The following COL18A1 variants were observed in gnomAD, a reference collection of about 807,000 sequenced individuals.
COL18A1 encodes collagen type XVIII alpha 1 chain, also known as collagen alpha-1(XVIII) chain.
In COL18A1, 133 loss-of-function variants were observed where a neutral mutation model predicts 168.0. That is an observed-to-expected ratio of 0.79 (90% confidence interval 0.69 to 0.91). COL18A1 has a LOEUF of 0.91. COL18A1 is among the 40% of genes least tolerant of loss of function. The pLI, the probability that COL18A1 is intolerant of heterozygous loss-of-function variation, is 0.00. For synonymous variants in COL18A1, 949 were observed against 809.0 expected (o/e 1.17, Z -2.94); for missense variants, 2,126 against 1,925.4 (o/e 1.10, Z -1.95).
Position 45,473,814 on chromosome 21 carries a change from G to A in COL18A1, c.652-81G>A, listed in dbSNP as rs998966854. ...CTCTCCTGCCCTTTGTGGGCCCCCC[G>A]AAATCTGGAGCTCAAGCAGCACCGG... On this transcript the variant is annotated intron_variant, in intron 3 of 41. Transcript: ENST00000651438. This position sits in a 1 kb window ranked among gnomAD's most constrained non-coding sequence, Gnocchi z 4.0. 2.0e-5 allele frequency: 24 copies of A among 1,230,466 alleles called. No homozygotes were observed. Among genetic ancestry groups the A allele is most frequent in the Admixed American group, 1.6e-4 (8 of 50,630 alleles). The allele number at this position is 1,230,466 out of a possible 1,614,324, so 76.2% of individuals were successfully genotyped here. A position where few individuals can be genotyped will look rare whatever the true frequency, so the allele number is the denominator to read the frequency against.
chr21:45,406,510 C>T (rs954071502), intron 2 of COL18A1, among the ~76,000 whole-genome samples: 1 of 152,212 alleles, frequency 6.6e-6, no homozygotes, highest in African/African-American at 2.4e-5. Context: ...CTTGTTGAGT[C>T]GTAGACAATT....
chr21:45,424,990 A>T (rs1291710264), intron 2 of COL18A1: 1 of 152,212 alleles, frequency 6.6e-6, no homozygotes, highest in South Asian at 2.1e-4. Context: ...AACTTTCTTC[A>T]GATCTCTCGC....
chr21:45,484,195 G>GCA (rs141493268), intron 15 of COL18A1, among the ~76,000 whole-genome samples: 23,642 of 100,998 alleles, frequency 0.23, 4,506 homozygotes, highest in Middle Eastern at 0.27. Flanking sequence ...CAGCATATGT[G>GCA]CACACACACA....
At chr21:45,495,665 C>T (rs2036506162) in intron 29 of COL18A1, 3 of 538,628 alleles carry the variant, frequency 5.6e-6, no homozygotes, top group South Asian at 1.9e-5. Flanking sequence ...CATGTGTGCA[C>T]ATATACACAT....
At chr21:45,422,131 A>C (rs554208691) in intron 2 of COL18A1, among the ~76,000 whole-genome samples, 4 of 151,938 alleles carry the variant, frequency 2.6e-5, no homozygotes, top group Non-Finnish European at 5.9e-5. Context: ...AGGCTCACAC[A>C]TACAGGTTCA....
intron 2 of COL18A1, among the ~76,000 whole-genome samples, chr21:45,432,136 C>T (rs897821645): frequency 2.6e-5 from 4 of 152,222 alleles, no homozygotes; most frequent in African/African-American, 9.6e-5. Context: ...AGGAAAGTTC[C>T]AGAGCACAGA....
chr21:45,453,434 C>T (rs550336568), intron 2 of COL18A1, among the ~76,000 whole-genome samples: 7 of 152,274 alleles, frequency 4.6e-5, no homozygotes, highest in South Asian at 4.1e-4. Flanking sequence ...CGTACACATG[C>T]GTGCGTTTGA....
At chr21:45,479,685 ATGC>A (rs1459972132) in intron 9 of COL18A1, among the ~76,000 whole-genome samples, 1 of 152,050 alleles carries the variant, frequency 6.6e-6, no homozygotes, top group Non-Finnish European at 1.5e-5. Context: ...CTCCCGAGGG[ATGC>A]TGCCCGCAGC....
Position 45,494,168 on chromosome 21 carries a change from A to G in COL18A1, c.2353-377A>G, listed in dbSNP as rs551398851. The G allele has an allele frequency of 1.8e-4, 77 of 419,666 alleles. 1 individual carries two copies. The East Asian group carries it at 3.4e-3, about 19-fold the overall frequency. 26.0% of individuals were successfully genotyped at this position (419,666 alleles called of 1,614,324 possible). A position where few individuals can be genotyped will look rare whatever the true frequency, so the allele number is the denominator to read the frequency against. ...CCTCAGACACAGGATCCCCAGGCCC[A>G]GTGAGAGCTCCACTATCCCACCCAG... On this transcript the variant is annotated intron_variant, in intron 26 of 41. Coordinates refer to ENST00000651438, the MANE Select transcript of COL18A1 (RefSeq NM_001379500.1).
chr21:45,492,623 G>T lies in COL18A1; in HGVS notation c.2187+59G>T, dbSNP rs572233315. On this transcript the variant is annotated intron_variant, in intron 23 of 41. Transcript: ENST00000651438. ...TGCGGGGACCTGGGTACAAGGCTGGGTGGGGTCCGGGCAGGCGCGAGGGTG... is the reference window on the plus strand; with the variant it reads ...TGCGGGGACCTGGGTACAAGGCTGGTTGGGGTCCGGGCAGGCGCGAGGGTG... The T allele has an allele frequency of 1.7e-5, 27 of 1,611,448 alleles. No individual in the cohort carries two copies. The South Asian group carries it at 2.7e-4, about 16-fold the overall frequency.
chr21:45,501,300 A>T (rs528999507), intron 32 of COL18A1, among the ~76,000 whole-genome samples: 1 of 152,198 alleles, frequency 6.6e-6, no homozygotes, highest in Admixed American at 6.5e-5. Context: ...CAAATCAATC[A>T]TTATAGGGGG....
At chr21:45,412,974 C>G (rs1022981992) in intron 2 of COL18A1, among the ~76,000 whole-genome samples, 2 of 152,200 alleles carry the variant, frequency 1.3e-5, no homozygotes, top group African/African-American at 4.8e-5. Flanking sequence ...GGCTGCTCAC[C>G]CTCTCCGTGT....
chr21:45,508,001 ATGGATGGATGGG>A (rs1477137904), intron 38 of COL18A1, among the ~76,000 whole-genome samples: 2 of 150,774 alleles, frequency 1.3e-5, no homozygotes, highest in African/African-American at 5.0e-5. Flanking sequence ...GGGGAGGTGG[ATGGATGGATGGG>A]TGGATGGAGA....
At chr21:45,405,299 G>GGGGGTCC (rs1184709265) in intron 1 of COL18A1, 58 bp downstream of exon 1, 79 of 490,120 alleles carry the variant, frequency 1.6e-4, no homozygotes, top group Admixed American at 6.7e-4. Context: ...TGCGGGGGTC[G>GGGGGTCC]CGGGGGTCGC....
At chr21:45,474,165 A>G (rs985207298) in intron 4 of COL18A1, among the ~76,000 whole-genome samples, 184 bp downstream of exon 4, 1 of 152,198 alleles carries the variant, frequency 6.6e-6, no homozygotes, top group African/African-American at 2.4e-5. Context: ...CTTTCCCATA[A>G]AAACAAATAC....
intron 15 of COL18A1, among the ~76,000 whole-genome samples, chr21:45,486,587 GC>G (rs2145963245): frequency 6.6e-6 from 1 of 152,248 alleles, no homozygotes; most frequent in African/African-American, 2.4e-5. Flanking sequence ...TGCACCTCCC[GC>G]TGTGCATGTG....
intron 2 of COL18A1, chr21:45,455,645 A>G: frequency 1.2e-6 from 2 of 1,613,944 alleles, no homozygotes; most frequent in Non-Finnish European, 1.7e-6. Context: ...TGAGGACACC[A>G]GCCATGCAGC....
chr21:45,411,725 T>A (rs2033295110), intron 2 of COL18A1, among the ~76,000 whole-genome samples: 1 of 115,552 alleles, frequency 8.7e-6, no homozygotes, highest in African/African-American at 3.3e-5. Context: ...GCTCTTATCT[T>A]GGGTGTCACC....
At chr21:45,507,336 G>T (rs966540666) in intron 37 of COL18A1, 24 of 596,044 alleles carry the variant, frequency 4.0e-5, no homozygotes, top group African/African-American at 3.6e-4. Flanking sequence ...GCAGGGCCGG[G>T]TGCTGGGCAG....
Sources: gnomAD v4.1 joint callset for allele counts (sites outside exome capture counted in the v4.1 genomes callset) on GRCh38, gnomAD v4.1.1 for gene constraint, Gnocchi (gnomAD v3.1) non-coding constraint, MANE v1.5 for transcripts, NCBI Gene and HGNC (gene_info 2026-07-23, HGNC 2026-07-21) for gene names.